Variants in MED17 observed in about 807,000 individuals in gnomAD.
MED17 encodes the protein mediator of RNA polymerase II transcription subunit 17.
Under a neutral mutation model 80.8 loss-of-function variants are expected in MED17, and 49 were observed. The observed-to-expected ratio is 0.61, with a 90% CI of 0.48 to 0.77. MED17 has a LOEUF of 0.77. Ranked by LOEUF, MED17 falls within the 30% of genes least tolerant of loss-of-function variation. The pLI is 0.00. For missense variants in MED17, 718 were observed against 787.0 expected (o/e 0.91, Z 1.05); for synonymous variants, 281 against 280.4 (o/e 1.00, Z -0.02).
chr11:93,813,309 G>A lies in MED17; in HGVS notation c.*1245G>A, dbSNP rs1944103108. ...ATTTCTCCACCGTGTTTTCATTAAA[G>A]AAAAATGGAGCTTGTGGGCCACGAT... On this transcript the variant is annotated 3_prime_UTR_variant, in exon 12 of 12. Transcript: ENST00000251871. 6.6e-6 allele frequency: 1 copy of A among 152,130 alleles called. No individual in the cohort carries two copies. The highest frequency in any genetic ancestry group is 1.5e-5 in the Non-Finnish European group (1 of 68,012). The allele number at this position is 152,130 out of a possible 1,614,324, so 9.4% of individuals were successfully genotyped here.
rs555829085 is a variant in MED17, at chr11:93,814,014, C to T, written c.*1950C>T. On this transcript the variant is annotated 3_prime_UTR_variant, in exon 12 of 12. Transcript: ENST00000251871. Reference sequence around the variant, plus strand: ...ACAGGCATAAGCCACAGTGCCCAGCCCCCCCAAATATAAACATTTCTGAAT... The same window carrying T: ...ACAGGCATAAGCCACAGTGCCCAGCTCCCCCAAATATAAACATTTCTGAAT... The T allele has an allele frequency of 6.6e-6, 1 of 152,120 alleles. No homozygotes were observed. The highest frequency in any genetic ancestry group is 1.5e-5 in the Non-Finnish European group (1 of 68,056). The allele number at this position is 152,120 out of a possible 1,614,324, so 9.4% of individuals were successfully genotyped here. A position where few individuals can be genotyped will look rare whatever the true frequency, so the allele number is the denominator to read the frequency against.
intron 7 of MED17, 181 bp from the exon 8 acceptor site, chr11:93,797,354 T>G: frequency 1.6e-6 from 1 of 617,734 alleles, no homozygotes. Context: ...GCGACCCTTC[T>G]CTTTACAGTC....
chr11:93,786,107 A>G (rs1191912003), intron 1 of MED17, among the ~76,000 whole-genome samples: 1 of 152,188 alleles, frequency 6.6e-6, no homozygotes, highest in Non-Finnish European at 1.5e-5. Context: ...AAGTAAAAAG[A>G]TAAATGACAG....
At chr11:93,807,119 C>CTT (rs558974449) in intron 9 of MED17, 6 of 190,486 alleles carry the variant, frequency 3.1e-5, no homozygotes, top group South Asian at 2.9e-4. Flanking sequence ...GTTATTAAAA[C>CTT]TTTTTTTTTT....
chr11:93,793,514 G>T (rs1943864634), intron 3 of MED17: 3 of 426,006 alleles, frequency 7.0e-6, no homozygotes, highest in East Asian at 4.4e-5. Flanking sequence ...ACTAAGAAGT[G>T]TTTTTTTTTT....
In MED17 at chr11:93,805,415, C is replaced by T. The variant is rs1213990809; in HGVS notation, c.1467-2103C>T. Among the ~76,000 whole-genome samples the T allele has an allele frequency of 2.0e-5, 3 of 152,092 alleles. No individual in the cohort carries two copies. The East Asian group carries it at 5.8e-4, about 29-fold the overall frequency. ...CTGGCCAACATGATGAAACCCTGTCCCTACTAAAAACAAAAATTAGCTGGG... is the reference window on the plus strand; with the variant it reads ...CTGGCCAACATGATGAAACCCTGTCTCTACTAAAAACAAAAATTAGCTGGG... On this transcript the variant is annotated intron_variant, in intron 9 of 11. Coordinates refer to ENST00000251871, the MANE Select transcript of MED17 (RefSeq NM_004268.5).
At chr11:93,809,984 G>C in intron 11 of MED17, 108 bp downstream of exon 11, 1 of 1,108,560 alleles carries the variant, frequency 9.0e-7, no homozygotes, top group Middle Eastern at 2.0e-4. Flanking sequence ...CAATAAATTA[G>C]TTAATGTTGT....
At chr11:93,793,516 T>G in intron 3 of MED17, 1 of 373,406 alleles carries the variant, frequency 2.7e-6, no homozygotes. Flanking sequence ...TAAGAAGTGT[T>G]TTTTTTTTTT....
chr11:93,803,900 C>A (rs901240258), intron 9 of MED17, among the ~76,000 whole-genome samples: 1 of 151,046 alleles, frequency 6.6e-6, no homozygotes, highest in Non-Finnish European at 1.5e-5. Flanking sequence ...ATGCCCTTTT[C>A]CTCATCTTCT....
Position 93,812,029 on chromosome 11 carries a change from C to A in MED17, c.1921C>A (p.Leu641Met), listed in dbSNP as rs149437873. 3.7e-6 allele frequency: 6 copies of A among 1,613,920 alleles called. No individual in the cohort carries two copies. Among genetic ancestry groups the A allele is most frequent in the Non-Finnish European group, 5.1e-6 (6 of 1,179,992 alleles). ...TCGAAATTTTGTTTATAAAATGGAG[C>A]TGCTTATGTCTGCACTTAGCCCTTG... ...EGRNFVYKME[L>M]LMSALSPCLL The change falls in exon 12 of 12, where the codon CTG (leucine) becomes ATG (methionine). Residue 641 changes from leucine (L) to methionine (M), a missense_variant. Leu to Met is a conservative substitution (Grantham distance 15). Coordinates refer to ENST00000251871, the MANE Select transcript of MED17 (RefSeq NM_004268.5).
intron 10 of MED17, 27 bp downstream of exon 10, chr11:93,807,662 C>A: frequency 2.3e-6 from 3 of 1,292,992 alleles, no homozygotes; most frequent in Middle Eastern, 1.8e-4. Flanking sequence ...TTGTCTTAAG[C>A]CCCCTTCTTC....
At chr11:93,786,675 C>T (rs2135708493) in intron 1 of MED17, among the ~76,000 whole-genome samples, 1 of 152,196 alleles carries the variant, frequency 6.6e-6, no homozygotes, top group East Asian at 1.9e-4. Flanking sequence ...ACCATGTTGG[C>T]CAGGCTGGTC....
Position 93,801,914 on chromosome 11 carries a change from G to A in MED17, c.1408G>A (p.Val470Ile), listed in dbSNP as rs1410777313. The A allele has an allele frequency of 2.4e-5, 39 of 1,612,636 alleles. No homozygotes were observed. Among genetic ancestry groups the A allele is most frequent in the Non-Finnish European group, 2.7e-5 (32 of 1,179,306 alleles). ...IQAHWSNIND[V>I]YESSVKVLIT... ...GGCTCATTGGTCAAATATCAATGAT[G>A]TTTATGAATCTAGTGTGAAAGTTTT... Residue 470 changes from valine (V) to isoleucine (I), a missense_variant, in exon 9 of 12, where the codon GTT becomes ATT. Transcript: ENST00000251871.
chr11:93,804,879 G>C (rs1451702465), intron 9 of MED17, among the ~76,000 whole-genome samples: 1 of 152,140 alleles, frequency 6.6e-6, no homozygotes, highest in African/African-American at 2.4e-5. Flanking sequence ...ATGCAGGTAG[G>C]CTTAATGATC....
chr11:93,791,183 A>G (rs1337841060), intron 3 of MED17, among the ~76,000 whole-genome samples: 2 of 152,232 alleles, frequency 1.3e-5, no homozygotes, highest in East Asian at 1.9e-4. Flanking sequence ...TTTCTCAGCT[A>G]TGTGTTACGT....
Position 93,798,844 on chromosome 11 carries a change from A to T in MED17, c.1328+1125A>T, listed in dbSNP as rs578247675. On this transcript the variant is annotated intron_variant, in intron 8 of 11. Transcript: ENST00000251871. ...ACCATTAATACAGTTCAACTTAAAA[A>T]GCTGATAATTTGAGTAGATCGTTAG... is the stretch of plus-strand genomic sequence containing the variant. Among the ~76,000 whole-genome samples the T allele has an allele frequency of 2.0e-5, 3 of 152,322 alleles. No homozygotes were observed. The South Asian group carries it at 6.2e-4, about 32-fold the overall frequency.
chr11:93,787,938 G>C (rs1296126756), intron 1 of MED17, 63 bp from the exon 2 acceptor site: 2 of 1,344,496 alleles, frequency 1.5e-6, no homozygotes, highest in East Asian at 4.6e-5. Context: ...ACCTAAGTGA[G>C]CTGTCTGCCA....
chr11:93,797,720 G>T lies in MED17; in HGVS notation c.1328+1G>T, dbSNP rs1943919610. 1 of 1,611,120 alleles carries T rather than the reference G, an allele frequency of 6.2e-7. No homozygotes were observed. Among genetic ancestry groups the T allele is most frequent in the Non-Finnish European group, 8.5e-7 (1 of 1,177,482 alleles). ...CAAAGCATATTTTTCTAAGGAGTAG[G>T]TAAGGTTGAAGAAAGTTACTGTTTT... is the stretch of plus-strand genomic sequence containing the variant. On this transcript the variant is annotated splice_donor_variant, in intron 8 of 11. Coordinates refer to ENST00000251871, the MANE Select transcript of MED17 (RefSeq NM_004268.5). LOFTEE classifies it high-confidence loss of function.
rs1242456058 is a variant in MED17 at position 93,797,710 on chromosome 11, T to A, written c.1319T>A (p.Leu440Gln). 6.2e-7 allele frequency: 1 copy of A among 1,612,520 alleles called. No individual in the cohort carries two copies. The highest frequency in any genetic ancestry group is 8.5e-7 in the Non-Finnish European group (1 of 1,178,622). Residue 440 changes from leucine (L) to glutamine (Q), a missense_variant, in exon 8 of 12, where the codon CTA becomes CAA. By Grantham distance (113) the Leu-to-Gln change is moderately radical. Coordinates refer to ENST00000251871, the MANE Select transcript of MED17 (RefSeq NM_004268.5). ...KIIKQAKHIF[L>Q]RSRAAATIDS... ...ATTAAACAAGCAAAGCATATTTTTC[T>A]AAGGAGTAGGTAAGGTTGAAGAAAG...
Sources: gnomAD v4.1 joint callset for allele counts (sites outside exome capture counted in the v4.1 genomes callset) on GRCh38, gnomAD v4.1.1 for gene constraint, MANE v1.5 for transcripts, NCBI Gene and HGNC (gene_info 2026-07-23, HGNC 2026-07-21) for gene names.